Variants in SLC4A10 observed in about 807,000 individuals in gnomAD.
SLC4A10 encodes the protein solute carrier family 4 member 10, also known as sodium-driven chloride bicarbonate exchanger.
Under a neutral mutation model 137.7 loss-of-function variants are expected in SLC4A10, and 42 were observed. The ratio of observed to expected loss-of-function variants is 0.30; its 90% CI spans 0.24 to 0.39. The LOEUF (loss-of-function observed/expected upper bound fraction) is 0.39. SLC4A10 is among the 10% of genes least tolerant of loss of function. The probability of loss-of-function intolerance (pLI) is 1.00; values close to 1 mark genes in which losing one functional copy is unlikely to be tolerated. For missense variants in SLC4A10, 925 were observed against 1,355.0 expected (o/e 0.68, Z 4.98); for synonymous variants, 474 against 464.1 (o/e 1.02, Z -0.27).
intron 4 of SLC4A10, among the ~76,000 whole-genome samples, chr2:161,845,635 A>G (rs1316792357): frequency 6.6e-6 from 1 of 152,160 alleles, no homozygotes; most frequent in African/African-American, 2.4e-5. Flanking sequence ...TTTCAGACAC[A>G]TAAATCACTG....
intron 1 of SLC4A10, among the ~76,000 whole-genome samples, chr2:161,636,281 T>G (rs1486040722): frequency 2.0e-5 from 3 of 152,190 alleles, no homozygotes; most frequent in African/African-American, 7.2e-5. Flanking sequence ...CTTAACATAA[T>G]GTTCTGTAGG....
At chr2:161,700,383 A>T (rs1312804808) in intron 1 of SLC4A10, among the ~76,000 whole-genome samples, 1 of 152,132 alleles carries the variant, frequency 6.6e-6, no homozygotes, top group Non-Finnish European at 1.5e-5. Flanking sequence ...TGTGAGGCAA[A>T]TGTTTCCAAT....
intron 1 of SLC4A10, among the ~76,000 whole-genome samples, chr2:161,662,034 T>C (rs1328494507): frequency 6.6e-6 from 1 of 152,256 alleles, no homozygotes; most frequent in African/African-American, 2.4e-5. Context: ...AAATGACTAG[T>C]ATCCTGACTC....
chr2:161,728,527 A>T (rs1329831013), intron 1 of SLC4A10, among the ~76,000 whole-genome samples: 2 of 152,114 alleles, frequency 1.3e-5, no homozygotes, highest in Non-Finnish European at 2.9e-5. Context: ...GTGAGCTGAA[A>T]TCGCGCCCTG....
intron 1 of SLC4A10, among the ~76,000 whole-genome samples, chr2:161,726,090 T>G (rs1326077527): frequency 2.0e-5 from 3 of 152,178 alleles, no homozygotes; most frequent in African/African-American, 7.2e-5. Context: ...TCTCAATAGA[T>G]TATGTTTTAT....
At chr2:161,719,968 C>G (rs542184317) in intron 1 of SLC4A10, among the ~76,000 whole-genome samples, 1 of 152,138 alleles carries the variant, frequency 6.6e-6, no homozygotes, top group African/African-American at 2.4e-5. Context: ...AAGTCCTTGC[C>G]CATGCATATG....
intron 1 of SLC4A10, among the ~76,000 whole-genome samples, chr2:161,728,429 A>T (rs2125163725): frequency 6.6e-6 from 1 of 152,178 alleles, no homozygotes; most frequent in East Asian, 1.9e-4. Flanking sequence ...TACAAAAATT[A>T]GCTGGGCATG....
At position 161,916,365 on chromosome 2, in the gene SLC4A10, T is replaced by C. The variant is rs146162648; in HGVS notation, c.1997+10478T>C. ...CAGATTTCCTAGCAAATTCTCTATATAGAATACAAACACTTATCTTCACTC... is the reference window on the plus strand; with the variant it reads ...CAGATTTCCTAGCAAATTCTCTATACAGAATACAAACACTTATCTTCACTC... On this transcript the variant is annotated intron_variant, in intron 15 of 26. Transcript: ENST00000446997. Among the ~76,000 whole-genome samples the C allele has an allele frequency of 1.2e-4, 19 of 152,326 alleles. No homozygotes were observed. In the East Asian group the frequency reaches 3.3e-3, roughly 26 times the overall value.
At chr2:161,714,564 G>T (rs189421205) in intron 1 of SLC4A10, among the ~76,000 whole-genome samples, 31 of 151,958 alleles carry the variant, frequency 2.0e-4, no homozygotes, top group African/African-American at 7.0e-4. Context: ...ATGATGTGTG[G>T]CGTGTAAATG....
At chr2:161,834,908 G>T (rs886597151) in intron 3 of SLC4A10, among the ~76,000 whole-genome samples, 2 of 152,154 alleles carry the variant, frequency 1.3e-5, no homozygotes, top group South Asian at 4.1e-4. Context: ...CAACTAGCTG[G>T]CCTGGAGGCC....
Position 161,677,648 on chromosome 2 carries a change from T to G in SLC4A10, c.48+53082T>G, listed in dbSNP as rs564895036. Among the ~76,000 whole-genome samples, 98 of 152,310 alleles carry G rather than the reference T, an allele frequency of 6.4e-4. 1 individual carries two copies. The highest frequency in any genetic ancestry group is 2.3e-3 in the African/African-American group (95 of 41,574). ...GTGGGAGGTAGCATTTATCAAGCAC[T>G]TATTATGCACAAGTCTCTATCTTAG... is the stretch of plus-strand genomic sequence containing the variant. On this transcript the variant is annotated intron_variant, in intron 1 of 26. Transcript: ENST00000446997.
At chr2:161,949,671 A>AT in intron 18 of SLC4A10, among the ~76,000 whole-genome samples, 1 of 151,984 alleles carries the variant, frequency 6.6e-6, no homozygotes. Context: ...CAGTTTGAAT[A>AT]TTCCTTATCC....
intron 4 of SLC4A10, among the ~76,000 whole-genome samples, chr2:161,851,651 T>A (rs2059840153): frequency 6.6e-6 from 1 of 152,306 alleles, no homozygotes; most frequent in African/African-American, 2.4e-5. Context: ...AAATTTTAAC[T>A]ATAAATTTTA....
At chr2:161,632,338 TA>T (rs34464676) in intron 1 of SLC4A10, among the ~76,000 whole-genome samples, 11,130 of 151,662 alleles carry the variant, frequency 0.073, 520 homozygotes, top group East Asian at 0.14. Flanking sequence ...TGTTGATATT[TA>T]AGGTTTTCTG....
At chr2:161,645,659 G>A (rs6744289) in intron 1 of SLC4A10, among the ~76,000 whole-genome samples, 1 of 151,954 alleles carries the variant, frequency 6.6e-6, no homozygotes, top group Non-Finnish European at 1.5e-5. Context: ...ATTGTATTGT[G>A]TGGATTTTGT....
At chr2:161,912,812 C>T (rs571410237) in intron 15 of SLC4A10, among the ~76,000 whole-genome samples, 2 of 152,268 alleles carry the variant, frequency 1.3e-5, no homozygotes, top group East Asian at 3.9e-4. Flanking sequence ...TGTGGATTGA[C>T]TGTGGCCTCT....
intron 1 of SLC4A10, among the ~76,000 whole-genome samples, chr2:161,629,178 C>T (rs1358883726): frequency 6.6e-6 from 1 of 151,916 alleles, no homozygotes; most frequent in Non-Finnish European, 1.5e-5. Flanking sequence ...GATCATTTGA[C>T]TTCCTGTGAG....
intron 1 of SLC4A10, among the ~76,000 whole-genome samples, chr2:161,659,495 G>A (rs2038004516): frequency 6.6e-6 from 1 of 152,120 alleles, no homozygotes; most frequent in Non-Finnish European, 1.5e-5. Flanking sequence ...AAGTAGGTAG[G>A]AGAGTAATGG....
intron 1 of SLC4A10, among the ~76,000 whole-genome samples, chr2:161,755,199 C>A (rs2049477368): frequency 6.6e-6 from 1 of 152,184 alleles, no homozygotes; most frequent in Admixed American, 6.6e-5. Flanking sequence ...TCTTCCAGAT[C>A]TTTCCTCTAA....
Sources: allele counts gnomAD v4.1 joint callset (sites outside exome capture counted in the v4.1 genomes callset), GRCh38; gene constraint gnomAD v4.1.1; transcripts MANE v1.5; gene names NCBI Gene and HGNC (gene_info 2026-07-23, HGNC 2026-07-21).